Variants in DNAH7 observed in about 807,000 individuals in gnomAD.
The protein encoded by DNAH7 is axonemal beta dynein heavy chain 7.
Under a neutral mutation model 444.6 loss-of-function variants are expected in DNAH7, and 397 were observed. The ratio of observed to expected loss-of-function variants is 0.89; its 90% confidence interval spans 0.82 to 0.97. DNAH7 has a LOEUF of 0.97. Among genes scored for constraint, DNAH7 ranks in the 50% least tolerant of loss-of-function variants. DNAH7 has a pLI of 0.00. For missense variants in DNAH7, 4,902 were observed against 4,800.8 expected, an observed-to-expected ratio of 1.02 and a Z score of -0.62; for synonymous variants, 1,636 against 1,624.4, an observed-to-expected ratio of 1.01 and a Z score of -0.17.
chr2:196,022,325 T>C (rs1284376928), intron 8 of DNAH7, among the ~76,000 whole-genome samples: 2 of 152,206 alleles, frequency 1.3e-5, no homozygotes, highest in Admixed American at 1.3e-4. Context: ...CTTCTTTTCA[T>C]GAAAGATTTC....
intron 15 of DNAH7, among the ~76,000 whole-genome samples, chr2:195,981,682 T>A (rs1586635): frequency 0.016 from 2,467 of 152,292 alleles, 79 homozygotes; most frequent in African/African-American, 0.056. Flanking sequence ...GAACTCATTT[T>A]CGAGAAAAAT....
At chr2:196,024,963 AAC>A (rs1695591207) in intron 7 of DNAH7, among the ~76,000 whole-genome samples, 2 of 152,198 alleles carry the variant, frequency 1.3e-5, no homozygotes, top group Non-Finnish European at 1.5e-5. Context: ...TAATAAAAAT[AAC>A]AGACAACAAT....
Position 195,987,141 on chromosome 2 carries a change from A to T in DNAH7, c.1679T>A (p.Leu560Ter). 1 of 1,608,366 alleles carries T rather than the reference A, an allele frequency of 6.2e-7. No individual in the cohort carries two copies. Among genetic ancestry groups the T allele is most frequent in the Non-Finnish European group, 8.5e-7 (1 of 1,177,936 alleles). Residue 560 changes from leucine (L) to a stop codon, truncating the protein, a stop_gained, in exon 14 of 65, where the codon TTG becomes TAG. Coordinates refer to ENST00000312428, the MANE Select transcript of DNAH7 (RefSeq NM_018897.3). LOFTEE classifies it high-confidence loss of function. ...ACAAATAATATCTGCTCGCTTCACC[A>T]AAGCTCTGATTAATTCCTCACAGTG... Reference protein sequence around the residue: ...EMHCEELIRALVKRADIICGK... With the variant: ...EMHCEELIRA
Position 195,861,837 on chromosome 2 carries a change from G to A in DNAH7, c.7616C>T (p.Thr2539Ile). Residue 2539 changes from threonine (T) to isoleucine (I), a missense_variant, in exon 42 of 65, where the codon ACT (threonine) becomes ATT (isoleucine). Coordinates refer to ENST00000312428, the MANE Select transcript of DNAH7 (RefSeq NM_018897.3). ...GCIDMCKSFH[T>I]STIDLSKSFF... ...AGATTTGGATAAATCTATAGTAGAA[G>A]TGTGGAAGCTTTTACACATGTCGAT... 6.2e-7 allele frequency: 1 copy of A among 1,613,524 alleles called. No individual in the cohort carries two copies. The highest frequency in any genetic ancestry group is 8.5e-7 in the Non-Finnish European group (1 of 1,179,464).
chr2:195,865,820 A>C (rs967600252), intron 40 of DNAH7, among the ~76,000 whole-genome samples: 1 of 152,108 alleles, frequency 6.6e-6, no homozygotes, highest in African/African-American at 2.4e-5. Context: ...TAGGGCCCTA[A>C]TCTTATAGGA....
chr2:195,874,726 G>T (rs900423000), intron 38 of DNAH7, among the ~76,000 whole-genome samples: 1 of 152,166 alleles, frequency 6.6e-6, no homozygotes, highest in Non-Finnish European at 1.5e-5. Flanking sequence ...GGAGGCTGAG[G>T]TGGGAGGATC....
At chr2:195,862,070 G>A in intron 41 of DNAH7, 124 bp from the exon 42 acceptor site, 1 of 733,332 alleles carries the variant, frequency 1.4e-6, no homozygotes, top group South Asian at 1.9e-5. Context: ...GATGGTGTGG[G>A]AGAGACAATT....
At chr2:195,906,465 T>C (rs969069181) in intron 27 of DNAH7, among the ~76,000 whole-genome samples, 194 bp downstream of exon 27, 2 of 148,284 alleles carry the variant, frequency 1.3e-5, no homozygotes, top group Non-Finnish European at 3.0e-5. Flanking sequence ...TTTTTTTTTT[T>C]TTTTTTTTTT....
At chr2:195,791,379 A>AC (rs1266400627) in intron 57 of DNAH7, among the ~76,000 whole-genome samples, 6 of 151,834 alleles carry the variant, frequency 4.0e-5, no homozygotes, top group Admixed American at 2.0e-4. Flanking sequence ...AAGCAGGAAA[A>AC]AAAAAAAAAA....
chr2:195,912,035 T>C (rs1687389446), intron 24 of DNAH7, among the ~76,000 whole-genome samples: 2 of 152,226 alleles, frequency 1.3e-5, no homozygotes, highest in Non-Finnish European at 2.9e-5. Context: ...ATAAATACCA[T>C]CTCATCTTAT....
rs531765474 is a variant in DNAH7, at chr2:195,928,494, C to T, written c.3472-1928G>A. 7.2e-5 allele frequency among the ~76,000 whole-genome samples: 11 copies of T among 152,096 alleles called. No individual in the cohort carries two copies. In the South Asian group the frequency reaches 2.1e-3, roughly 29 times the overall value. On this transcript the variant is annotated intron_variant, in intron 21 of 64. Coordinates refer to ENST00000312428, the MANE Select transcript of DNAH7 (RefSeq NM_018897.3). ...GCCAAAGTGGAATATATTAATATTGCCAATGGTTACAAAAACAGTAATGCT... is the reference window on the plus strand; with the variant it reads ...GCCAAAGTGGAATATATTAATATTGTCAATGGTTACAAAAACAGTAATGCT...
rs1457238499 is a variant in DNAH7 at position 196,019,256 on chromosome 2, T to C, written c.783A>G (p.Leu261=). 8 of 1,507,340 alleles carry C rather than the reference T, an allele frequency of 5.3e-6. No individual in the cohort carries two copies. The East Asian group carries it at 1.9e-4, about 35-fold the overall frequency. The allele number at this position is 1,507,340 out of a possible 1,614,324, so 93.4% of individuals were successfully genotyped here. The change falls in exon 9 of 65, where the codon TTA becomes TTG. Residue 261 remains leucine, a synonymous_variant. Coordinates refer to ENST00000312428, the MANE Select transcript of DNAH7 (RefSeq NM_018897.3). ...ILPKPWRKSF[L]AASSYIRDHL... is the part of the protein sequence containing the mutation. Reference sequence around the variant, plus strand: ...GATCCCTAATATAACTGCTTGCAGCTAAAAAAGATTTCCTCCAAGGTTTTG... The same window carrying C: ...GATCCCTAATATAACTGCTTGCAGCCAAAAAAGATTTCCTCCAAGGTTTTG...
At chr2:195,844,909 T>C (rs1163028073) in intron 47 of DNAH7, 93 bp downstream of exon 47, 10 of 1,110,622 alleles carry the variant, frequency 9.0e-6, no homozygotes, top group Middle Eastern at 2.2e-4. Context: ...TTTTTAATAC[T>C]GTAAAAGTTT....
chr2:196,008,645 T>A (rs1162618204), intron 10 of DNAH7, among the ~76,000 whole-genome samples: 1 of 152,210 alleles, frequency 6.6e-6, no homozygotes, highest in Non-Finnish European at 1.5e-5. Flanking sequence ...TGAATGAACT[T>A]TGAAAACATT....
intron 48 of DNAH7, 91 bp downstream of exon 48, chr2:195,834,115 G>A (rs1267600120): frequency 7.6e-7 from 1 of 1,311,748 alleles, no homozygotes; most frequent in Non-Finnish European, 1.0e-6. Context: ...GCTGAGGTGG[G>A]AGGATCGCTT....
At chr2:196,063,012 A>G (rs969292867) in intron 1 of DNAH7, among the ~76,000 whole-genome samples, 1 of 152,102 alleles carries the variant, frequency 6.6e-6, no homozygotes, top group African/African-American at 2.4e-5. Flanking sequence ...CCTCCCGAGT[A>G]GCTAGGATTA....
intron 13 of DNAH7, among the ~76,000 whole-genome samples, 192 bp downstream of exon 13, chr2:195,987,765 A>G (rs1322064569): frequency 1.3e-5 from 2 of 152,212 alleles, no homozygotes; most frequent in Admixed American, 6.5e-5. Context: ...ACATGAGCAC[A>G]AGAATTGTGT....
At chr2:195,871,123 T>C (rs148299037) in intron 40 of DNAH7, among the ~76,000 whole-genome samples, 1 of 152,286 alleles carries the variant, frequency 6.6e-6, no homozygotes, top group African/African-American at 2.4e-5. Context: ...GGCCAAAACA[T>C]GCAAGTGGAA....
chr2:195,875,754 G>C lies in DNAH7; in HGVS notation c.6207C>G (p.His2069Gln). 1 of 1,613,850 alleles carries C rather than the reference G, an allele frequency of 6.2e-7. No homozygotes were observed. Among genetic ancestry groups the C allele is most frequent in the Non-Finnish European group, 8.5e-7 (1 of 1,179,892 alleles). The stretch of plus-strand genomic sequence containing the variant: ...AATCTTTTAGATCATACCAGTTCCA[G>C]TGGTCTAACCACTGTCTAAGTAACT... ...PIELLRQWLD[H>Q]WNWYDLKDCS... The change falls in exon 38 of 65, where the codon CAC (histidine) becomes CAG (glutamine). Residue 2069 changes from histidine (H) to glutamine (Q), a missense_variant. By Grantham distance (24) the His-to-Gln change is conservative. Coordinates refer to ENST00000312428, the MANE Select transcript of DNAH7 (RefSeq NM_018897.3).
Sources: allele counts gnomAD v4.1 joint callset (sites outside exome capture counted in the v4.1 genomes callset), GRCh38; gene constraint gnomAD v4.1.1; transcripts MANE v1.5; gene names NCBI Gene and HGNC (gene_info 2026-07-23, HGNC 2026-07-21).